The following CHODL variants were observed in gnomAD, a reference collection of about 807,000 sequenced individuals.
CHODL encodes chondrolectin.
In CHODL, 29 loss-of-function variants were observed where a neutral mutation model predicts 34.5. The observed-to-expected ratio is 0.84, with a 90% CI of 0.63 to 1.15. The LOEUF (loss-of-function observed/expected upper bound fraction) is 1.15, where lower values mean the gene tolerates loss of function less well. Ranked by LOEUF, CHODL falls within the 50% of genes most tolerant of loss-of-function variation. The probability of loss-of-function intolerance (pLI) is 0.00; values close to 1 mark genes in which losing one functional copy is unlikely to be tolerated. For missense variants in CHODL, 332 were observed against 332.5 expected (o/e 1.00, Z 0.01); for synonymous variants, 125 against 116.1 (o/e 1.08, Z -0.49).
chr21:18,151,097 A>AAAG (rs1555876697), intron 2 of CHODL, among the ~76,000 whole-genome samples: 1 of 149,842 alleles, frequency 6.7e-6, no homozygotes, highest in African/African-American at 2.5e-5. Context: ...AAAAAAAAAA[A>AAAG]AAAAAAAAGA....
At chr21:18,175,775 C>G (rs2041453191) in intron 2 of CHODL, among the ~76,000 whole-genome samples, 1 of 152,074 alleles carries the variant, frequency 6.6e-6, no homozygotes, top group African/African-American at 2.4e-5. Flanking sequence ...CTGGAAAGTC[C>G]TCTTTGAGGA....
chr21:17,937,339 C>T (rs1301994678), intron 1 of CHODL, among the ~76,000 whole-genome samples: 2 of 151,992 alleles, frequency 1.3e-5, no homozygotes, highest in Non-Finnish European at 2.9e-5. Context: ...ACAGAGGGCC[C>T]GTTTGAAGTT....
At chr21:18,037,702 A>G (rs2064327365) in intron 2 of CHODL, among the ~76,000 whole-genome samples, 1 of 151,846 alleles carries the variant, frequency 6.6e-6, no homozygotes, top group African/African-American at 2.4e-5. Flanking sequence ...AATAAAAAGA[A>G]TAAGTGGGTA....
intron 2 of CHODL, among the ~76,000 whole-genome samples, chr21:18,130,274 T>TA (rs1180834784): frequency 3.3e-5 from 5 of 152,214 alleles, no homozygotes; most frequent in African/African-American, 1.2e-4. Flanking sequence ...ACAAAATGCT[T>TA]AACGCCAGCC....
At chr21:17,919,704 C>A (rs1226470574) in intron 1 of CHODL, among the ~76,000 whole-genome samples, 5 of 152,154 alleles carry the variant, frequency 3.3e-5, no homozygotes, top group Non-Finnish European at 5.9e-5. Flanking sequence ...ATTTATGCAG[C>A]CAGCTTGAAT....
intron 1 of CHODL, among the ~76,000 whole-genome samples, chr21:18,252,907 A>G (rs917869910): frequency 6.6e-6 from 1 of 151,906 alleles, no homozygotes; most frequent in African/African-American, 2.4e-5. Flanking sequence ...ATTATCCACA[A>G]CCAGAGACAC....
intron 2 of CHODL, among the ~76,000 whole-genome samples, chr21:18,129,890 CTCTGTGTGTGTGTGTG>C (rs1382550285): frequency 6.3e-4 from 72 of 113,466 alleles, no homozygotes; most frequent in African/African-American, 2.4e-3. Flanking sequence ...CTCTGTCTTT[CTCTGTGTGTGTGTGTG>C]TGTGTGTGTG....
In CHODL at chr21:18,004,099, T is replaced by C. The variant is rs1457840724; in HGVS notation, c.-144-23773T>C. 3.3e-5 allele frequency among the ~76,000 whole-genome samples: 5 copies of C among 152,306 alleles called. No homozygotes were observed. In the East Asian group the frequency reaches 9.7e-4, roughly 29 times the overall value. On this transcript the variant is annotated intron_variant, in intron 1 of 6. Coordinates refer to the CHODL transcript ENST00000400127. ...GTGTTTGCCTTTTTCTTAGAAACAA[T>C]AATTAATAAAGTAAAAATTTTTAGT...
At chr21:17,927,841 T>C (rs563535066) in intron 1 of CHODL, among the ~76,000 whole-genome samples, 2 of 152,320 alleles carry the variant, frequency 1.3e-5, no homozygotes, top group African/African-American at 4.8e-5. Flanking sequence ...AGTTGTTAAA[T>C]GAATAAAGAC....
chr21:18,253,985 T>A (rs1259535104), intron 1 of CHODL, among the ~76,000 whole-genome samples: 1 of 152,110 alleles, frequency 6.6e-6, no homozygotes, highest in African/African-American at 2.4e-5. Flanking sequence ...ACTCAAACAC[T>A]GTTGAGAAGT....
intron 2 of CHODL, among the ~76,000 whole-genome samples, chr21:18,191,999 C>T (rs1184895748): frequency 6.6e-6 from 1 of 152,028 alleles, no homozygotes; most frequent in African/African-American, 2.4e-5. Flanking sequence ...TAGATGTTTC[C>T]TTGGCTGCTT....
At chr21:18,204,722 C>G (rs1307876002) in intron 2 of CHODL, among the ~76,000 whole-genome samples, 1 of 152,146 alleles carries the variant, frequency 6.6e-6, no homozygotes, top group Non-Finnish European at 1.5e-5. Context: ...TGGAAAATCA[C>G]TTAACACCCC....
chr21:18,174,999 A>G (rs192330693), intron 2 of CHODL, among the ~76,000 whole-genome samples: 1 of 152,268 alleles, frequency 6.6e-6, no homozygotes, highest in African/African-American at 2.4e-5. Flanking sequence ...TTGTTTCTTT[A>G]TTTGTGAAAT....
At chr21:17,950,497 AACACACACACAC>A (rs200120318) in intron 1 of CHODL, among the ~76,000 whole-genome samples, 8 of 130,392 alleles carry the variant, frequency 6.1e-5, no homozygotes, top group South Asian at 2.4e-4. Context: ...CTAGATACAC[AACACACACACAC>A]ACACACACAC....
At position 17,997,012 on chromosome 21, in the gene CHODL, T is replaced by TA. The variant is rs555262844; in HGVS notation, c.-144-30860_-144-30859insA. On this transcript the variant is annotated intron_variant, in intron 1 of 6. Transcript: ENST00000400127. ...GAGAAACATACATTTTATTCTGATT[T>TA]TAAAAAAAACATGAAAAATCACTTT... Among the ~76,000 whole-genome samples the TA allele has an allele frequency of 5.5e-3, 834 of 152,232 alleles. 6 individuals carry two copies. Among genetic ancestry groups the TA allele is most frequent in the African/African-American group, 0.013 (552 of 41,532 alleles).
intron 2 of CHODL, among the ~76,000 whole-genome samples, chr21:18,206,217 A>G (rs543187388): frequency 6.6e-5 from 10 of 152,302 alleles, no homozygotes; most frequent in African/African-American, 2.2e-4. Context: ...GACTTGTTCA[A>G]TGCTAAAAGT....
At chr21:18,256,369 A>G in intron 1 of CHODL, 140 bp from the exon 2 acceptor site, 4 of 884,640 alleles carry the variant, frequency 4.5e-6, no homozygotes, top group Non-Finnish European at 6.7e-6. Flanking sequence ...TAGAAAATAA[A>G]CTTTATGAAA....
At chr21:17,925,343 T>C (rs1195784451) in intron 1 of CHODL, among the ~76,000 whole-genome samples, 1 of 151,990 alleles carries the variant, frequency 6.6e-6, no homozygotes, top group East Asian at 1.9e-4. Context: ...TATTAATGGT[T>C]TGATTGCTCA....
At chr21:18,229,646 T>G (rs1240561553) in intron 2 of CHODL, among the ~76,000 whole-genome samples, 1 of 152,084 alleles carries the variant, frequency 6.6e-6, no homozygotes, top group East Asian at 1.9e-4. Context: ...TGGGGGAGAA[T>G]GGATATTTGT....
Sources: allele counts gnomAD v4.1 joint callset (sites outside exome capture counted in the v4.1 genomes callset), GRCh38; gene constraint gnomAD v4.1.1; transcripts MANE v1.5; gene names NCBI Gene and HGNC (gene_info 2026-07-23, HGNC 2026-07-21).